Variants in WDR49 observed in about 807,000 individuals in gnomAD.
WDR49 encodes the protein WD repeat domain 49, also known as cilia- and flagella-associated protein 337.
WDR49 carries 107 observed loss-of-function variants against 119.5 expected under a neutral mutation model. The observed-to-expected ratio is 0.90, with a 90% CI of 0.77 to 1.05. The LOEUF is 1.05. Ranked by LOEUF, WDR49 falls within the 50% of genes least tolerant of loss-of-function variation. WDR49 has a pLI of 0.00. For missense variants in WDR49, 1,240 were observed against 1,220.5 expected (o/e 1.02, Z -0.24); for synonymous variants, 425 against 418.8 (o/e 1.01, Z -0.18).
intron 17 of WDR49, 148 bp from the exon 18 acceptor site, chr3:167,500,447 A>G: frequency 1.1e-6 from 1 of 885,470 alleles, no homozygotes; most frequent in South Asian, 1.8e-5. Context: ...TGATCTGCAA[A>G]CCCTACAAAC....
At chr3:167,600,205 G>T (rs878963922) in intron 7 of WDR49, among the ~76,000 whole-genome samples, 1 of 152,072 alleles carries the variant, frequency 6.6e-6, no homozygotes, top group Admixed American at 6.6e-5. Context: ...GCTGCCTGGG[G>T]TTGGGGGAGT....
chr3:167,647,919 C>T (rs187323936), intron 2 of WDR49, among the ~76,000 whole-genome samples: 25 of 152,282 alleles, frequency 1.6e-4, no homozygotes, highest in Admixed American at 1.6e-3. Context: ...GCTGATTATG[C>T]GTTAGTTCCA....
chr3:167,503,756 A>G (rs1183228437), intron 17 of WDR49, among the ~76,000 whole-genome samples: 1 of 152,210 alleles, frequency 6.6e-6, no homozygotes, highest in Non-Finnish European at 1.5e-5. Context: ...AGCCCGAGCC[A>G]TAACAAACAT....
chr3:167,648,479 T>A (rs1316087581), intron 2 of WDR49, among the ~76,000 whole-genome samples: 1 of 152,222 alleles, frequency 6.6e-6, no homozygotes, highest in Admixed American at 6.5e-5. Context: ...AGCTTTGAAC[T>A]TCCTGGCAGC....
chr3:167,533,163 C>T (rs1178972745), intron 11 of WDR49, among the ~76,000 whole-genome samples, 186 bp from the exon 12 acceptor site: 2 of 152,070 alleles, frequency 1.3e-5, no homozygotes, highest in Admixed American at 6.6e-5. Context: ...AGCTTACAAT[C>T]CCCACAGTAT....
intron 17 of WDR49, among the ~76,000 whole-genome samples, chr3:167,504,593 G>T (rs950709243): frequency 2.0e-5 from 3 of 152,134 alleles, no homozygotes; most frequent in Admixed American, 6.5e-5. Flanking sequence ...TGAGAACTTT[G>T]AACTTTGTAC....
chr3:167,490,288 A>C (rs1481843679), intron 18 of WDR49, among the ~76,000 whole-genome samples: 1 of 152,118 alleles, frequency 6.6e-6, no homozygotes, highest in Admixed American at 6.6e-5. Context: ...TTATAGACCC[A>C]AAATTTTGGT....
chr3:167,627,874 A>G (rs1345594388), intron 2 of WDR49, among the ~76,000 whole-genome samples: 3 of 152,034 alleles, frequency 2.0e-5, no homozygotes, highest in African/African-American at 7.2e-5. Context: ...TTACAAATTG[A>G]AGGTTTGTGG....
chr3:167,479,138 T>G, intron 18 of WDR49, 142 bp from the exon 19 acceptor site: 1 of 620,328 alleles, frequency 1.6e-6, no homozygotes, highest in Non-Finnish European at 2.7e-6. Flanking sequence ...TGGAAAAATT[T>G]TCTCTAAGCT....
chr3:167,624,786 A>T (rs1717050649), intron 3 of WDR49, among the ~76,000 whole-genome samples: 1 of 151,932 alleles, frequency 6.6e-6, no homozygotes, highest in Non-Finnish European at 1.5e-5. Flanking sequence ...ACATAGATAT[A>T]AAAAAATCAT....
rs142561633 is a variant in WDR49, at chr3:167,560,262, A to G, written c.1510-34T>C. 1.7e-3 allele frequency: 2,742 copies of G among 1,586,062 alleles called. 2 individuals carry two copies. Among genetic ancestry groups the G allele is most frequent in the Non-Finnish European group, 2.3e-3 (2,666 of 1,163,102 alleles). On this transcript the variant is annotated intron_variant, in intron 8 of 18. Coordinates refer to ENST00000682715, the MANE Select transcript of WDR49 (RefSeq NM_001366157.1). ...AAATAACATTTTAAAGAAATTAAATATAGTCTCAGAATCAACCATTTATAT... is the reference window on the plus strand; with the variant it reads ...AAATAACATTTTAAAGAAATTAAATGTAGTCTCAGAATCAACCATTTATAT...
At chr3:167,613,719 C>T (rs747152012) in intron 5 of WDR49, among the ~76,000 whole-genome samples, 5 of 152,110 alleles carry the variant, frequency 3.3e-5, no homozygotes, top group East Asian at 3.9e-4. Flanking sequence ...CTGAGGCAGA[C>T]GGATCACCTG....
At chr3:167,602,678 G>T (rs1715834153) in intron 6 of WDR49, among the ~76,000 whole-genome samples, 1 of 151,998 alleles carries the variant, frequency 6.6e-6, no homozygotes, top group Admixed American at 6.6e-5. Context: ...AAGAAAGAAA[G>T]AAAACAATGT....
chr3:167,610,395 G>A (rs1464671075), intron 5 of WDR49, among the ~76,000 whole-genome samples: 4 of 152,220 alleles, frequency 2.6e-5, no homozygotes, highest in Non-Finnish European at 4.4e-5. Context: ...ATCAACAGTA[G>A]TCAGGAAGTA....
chr3:167,490,210 C>G (rs1219229933), intron 18 of WDR49, among the ~76,000 whole-genome samples: 1 of 152,112 alleles, frequency 6.6e-6, no homozygotes, highest in Non-Finnish European at 1.5e-5. Context: ...ATATGACTCT[C>G]AAATAATGGT....
intron 7 of WDR49, among the ~76,000 whole-genome samples, chr3:167,597,690 G>T (rs1715553388): frequency 6.6e-6 from 1 of 152,312 alleles, no homozygotes; most frequent in Non-Finnish European, 1.5e-5. Flanking sequence ...GCTTTAGCAT[G>T]CCCTGTATGT....
Position 167,621,478 on chromosome 3 carries a change from T to A in WDR49, c.772A>T (p.Ile258Leu), listed in dbSNP as rs1716865659. ...CTACCCTCACTTACCTTTCCAGTTATATCCCCAAAAGAAAGAATTGATTCA... is the reference window on the plus strand; with the variant it reads ...CTACCCTCACTTACCTTTCCAGTTAAATCCCCAAAAGAAAGAATTGATTCA... ...ANESILSFGD[I>L]TGKVQAIAFT... Residue 258 changes from isoleucine to leucine, a missense_variant, in exon 4 of 19, where the codon ATA becomes TTA. Physicochemically the swap from Ile to Leu is conservative, Grantham distance 5. Coordinates refer to ENST00000682715, the MANE Select transcript of WDR49 (RefSeq NM_001366157.1). 1 of 1,532,210 alleles carries A rather than the reference T, an allele frequency of 6.5e-7. No homozygotes were observed. The highest frequency in any genetic ancestry group is 8.7e-7 in the Non-Finnish European group (1 of 1,144,858). 94.9% of individuals were successfully genotyped at this position (1,532,210 alleles called of 1,614,324 possible). A position where few individuals can be genotyped will look rare whatever the true frequency, so the allele number is the denominator to read the frequency against.
chr3:167,645,381 T>A (rs1718072386), intron 2 of WDR49, among the ~76,000 whole-genome samples: 1 of 151,906 alleles, frequency 6.6e-6, no homozygotes, highest in Non-Finnish European at 1.5e-5. Flanking sequence ...TGGCTAGTTT[T>A]CGTATTTTTG....
At chr3:167,521,073 C>T (rs1458758020) in intron 16 of WDR49, among the ~76,000 whole-genome samples, 4 of 152,094 alleles carry the variant, frequency 2.6e-5, no homozygotes, top group Non-Finnish European at 5.9e-5. Context: ...AAAGCTGTAC[C>T]TGGAGTTGCA....
Sources: allele counts gnomAD v4.1 joint callset (sites outside exome capture counted in the v4.1 genomes callset), GRCh38; gene constraint gnomAD v4.1.1; transcripts MANE v1.5; gene names NCBI Gene and HGNC (gene_info 2026-07-23, HGNC 2026-07-21).